Variants in RTN4 observed in about 807,000 individuals in gnomAD.
The protein encoded by RTN4 is reticulon 4.
RTN4 carries 32 observed loss-of-function variants against 90.4 expected under a neutral mutation model. The observed-to-expected ratio is 0.35, with a 90% CI of 0.27 to 0.48. RTN4 has a LOEUF of 0.48. Ranked by LOEUF, RTN4 falls within the 20% of genes least tolerant of loss-of-function variation. RTN4 has a pLI of 0.99. For missense variants in RTN4, 1,706 were observed against 1,430.2 expected, an observed-to-expected ratio of 1.19 and a Z score of -3.11; for synonymous variants, 629 against 552.5, an observed-to-expected ratio of 1.14 and a Z score of -1.94.
At chr2:55,028,104 C>G in intron 2 of RTN4, 60 bp downstream of exon 2, 1 of 1,411,822 alleles carries the variant, frequency 7.1e-7, no homozygotes, top group Non-Finnish European at 9.9e-7. Flanking sequence ...ATAGTGTTAA[C>G]ACACTAAAGA....
chr2:55,068,872 G>T (rs1007384631), intron 2 of RTN4, among the ~76,000 whole-genome samples: 1 of 152,182 alleles, frequency 6.6e-6, no homozygotes, highest in African/African-American at 2.4e-5. Flanking sequence ...CTTTGACAAG[G>T]ACCTTCTTCA....
Position 55,026,771 on chromosome 2 carries a change from T to G in RTN4, c.1328A>C (p.Asp443Ala). 1.2e-6 allele frequency: 2 copies of G among 1,613,978 alleles called. No homozygotes were observed. Among genetic ancestry groups the G allele is most frequent in the South Asian group, 2.2e-5 (2 of 91,080 alleles). The change falls in exon 3 of 9, where the codon GAT becomes GCT. Residue 443 changes from aspartate to alanine, a missense_variant. Coordinates refer to ENST00000337526, the MANE Select transcript of RTN4 (RefSeq NM_020532.5). The stretch of plus-strand genomic sequence containing the variant: ...TGGCGTACTGGGGAAAGAAGTATCA[T>G]CATTACTACTCTCACTATCTTTTTC... Reference protein sequence around the residue: ...NHEKDSESSNDDTSFPSTPEG... With the variant: ...NHEKDSESSNADTSFPSTPEG...
chr2:54,974,051 G>C, intron 6 of RTN4, 184 bp from the exon 7 acceptor site: 2 of 545,980 alleles, frequency 3.7e-6, no homozygotes, highest in Non-Finnish European at 6.5e-6. Context: ...TGAATGAACT[G>C]TGTGAGGCTG....
intron 1 of RTN4, among the ~76,000 whole-genome samples, chr2:55,100,262 G>A (rs1260658942): frequency 6.6e-6 from 1 of 151,996 alleles, no homozygotes; most frequent in Non-Finnish European, 1.5e-5. Flanking sequence ...TTTGCACTGG[G>A]GGCTTGGACA....
intron 5 of RTN4, among the ~76,000 whole-genome samples, chr2:54,975,062 T>G (rs1009416153): frequency 3.9e-5 from 6 of 152,206 alleles, no homozygotes; most frequent in African/African-American, 1.2e-4. Context: ...TAACAACATT[T>G]ACCTTTTAAA....
chr2:55,108,336 G>A (rs1286125418), intron 1 of RTN4, among the ~76,000 whole-genome samples: 3 of 152,014 alleles, frequency 2.0e-5, no homozygotes, highest in Admixed American at 6.6e-5. Flanking sequence ...CATTTCAGTA[G>A]TAATCCCCAA....
At chr2:55,104,136 C>T (rs1368662269) in intron 1 of RTN4, among the ~76,000 whole-genome samples, 1 of 151,960 alleles carries the variant, frequency 6.6e-6, no homozygotes, top group Non-Finnish European at 1.5e-5. Flanking sequence ...CTGCAACCTC[C>T]ACCTTCTGGG....
intron 5 of RTN4, 52 bp from the exon 6 acceptor site, chr2:54,974,816 T>C (rs747093716): frequency 6.7e-7 from 1 of 1,491,678 alleles, no homozygotes; most frequent in Non-Finnish European, 9.3e-7. Flanking sequence ...GTAAAGTTTC[T>C]TAATTATGCT....
intron 3 of RTN4, among the ~76,000 whole-genome samples, chr2:54,988,664 A>C (rs1678770268): frequency 6.6e-6 from 1 of 152,234 alleles, no homozygotes; most frequent in African/African-American, 2.4e-5. Flanking sequence ...TTACCTGAAA[A>C]GCTACTTCCT....
At chr2:55,116,632 T>C (rs1019864731), upstream of RTN4, among the ~76,000 whole-genome samples, 1 of 152,234 alleles carries the variant, frequency 6.6e-6, no homozygotes, top group Non-Finnish European at 1.5e-5. Flanking sequence ...ATGAGGTATG[T>C]ACTATTATTA....
At chr2:55,068,636 C>T (rs1187576483) in intron 2 of RTN4, among the ~76,000 whole-genome samples, 1 of 123,272 alleles carries the variant, frequency 8.1e-6, no homozygotes, top group Non-Finnish European at 1.6e-5. Context: ...GTTTGTCTGC[C>T]AGTCGCTCTT....
chr2:55,008,729 G>A (rs187923495), intron 3 of RTN4, among the ~76,000 whole-genome samples: 1 of 152,172 alleles, frequency 6.6e-6, no homozygotes, highest in East Asian at 1.9e-4. Flanking sequence ...AACTTAAGAT[G>A]TTATTTAATG....
intron 1 of RTN4, among the ~76,000 whole-genome samples, chr2:55,110,439 G>T (rs1412627650): frequency 6.6e-6 from 1 of 151,970 alleles, no homozygotes; most frequent in South Asian, 2.1e-4. Flanking sequence ...TCCTTAGAAT[G>T]GTAGATATTT....
chr2:55,134,004 A>G, the RTN4 span, among the ~76,000 whole-genome samples: 1 of 152,080 alleles, frequency 6.6e-6, no homozygotes, highest in Admixed American at 6.5e-5. Flanking sequence ...CAAAGAGTGG[A>G]TTTTCATGAG....
intron 2 of RTN4, chr2:55,056,557 T>C (rs1323551521): frequency 6.6e-6 from 1 of 151,802 alleles, no homozygotes; most frequent in African/African-American, 2.4e-5. Flanking sequence ...GAACCTGATT[T>C]CTACAAAAAA....
At chr2:55,097,968 C>T (rs1455296208) in intron 1 of RTN4, among the ~76,000 whole-genome samples, 7 of 152,180 alleles carry the variant, frequency 4.6e-5, no homozygotes, top group Middle Eastern at 6.8e-3. Flanking sequence ...AACCTTCAGC[C>T]TCATCTTTCT....
At position 55,049,892 on chromosome 2, in the gene RTN4, C is replaced by G; in HGVS notation, c.409G>C (p.Asp137His). 7.6e-7 allele frequency: 1 copy of G among 1,321,510 alleles called. No homozygotes were observed. 81.9% of individuals were successfully genotyped at this position (1,321,510 alleles called of 1,614,324 possible). The stretch of plus-strand genomic sequence containing the variant: ...GGGGGAGGCCGGGCCGGAGGCTCGT[C>G]GTCCTCAGGGAGCTTGGAGGGCGAG... ...AVSPSKLPED[D>H]EPPARPPPPP... Residue 137 changes from aspartate to histidine, a missense_variant, in exon 1 of 9, where the codon GAC (aspartate) becomes CAC (histidine). Physicochemically the swap from Asp to His is moderately conservative, Grantham distance 81 (BLOSUM62 -1). Transcript: ENST00000337526.
intron 1 of RTN4, among the ~76,000 whole-genome samples, chr2:55,092,581 G>GA (rs981565595): frequency 6.6e-6 from 1 of 152,138 alleles, no homozygotes; most frequent in Non-Finnish European, 1.5e-5. Context: ...CTACCTGGCA[G>GA]AAAAAAGTGC....
intron 1 of RTN4, among the ~76,000 whole-genome samples, chr2:55,086,773 C>A (rs1460304575): frequency 6.6e-6 from 1 of 152,052 alleles, no homozygotes; most frequent in Non-Finnish European, 1.5e-5. Flanking sequence ...AAGGTAACCA[C>A]CATCCAGATA....
Sources: allele counts gnomAD v4.1 joint callset (sites outside exome capture counted in the v4.1 genomes callset), GRCh38; gene constraint gnomAD v4.1.1; transcripts MANE v1.5; gene names NCBI Gene and HGNC (gene_info 2026-07-23, HGNC 2026-07-21).